CSGALNACT1: variants seen among roughly 807,000 people sequenced by gnomAD.
The protein encoded by CSGALNACT1 is chondroitin sulfate N-acetylgalactosaminyltransferase 1.
In CSGALNACT1, 52 loss-of-function variants were observed where a neutral mutation model predicts 51.0. That is an observed-to-expected ratio of 1.02 (90% CI 0.82 to 1.29). CSGALNACT1 has a LOEUF of 1.29. Ranked by LOEUF, CSGALNACT1 falls within the 50% of genes most tolerant of loss-of-function variation. The probability of loss-of-function intolerance (pLI) is 0.00; values close to 1 mark genes in which losing one functional copy is unlikely to be tolerated. For missense variants in CSGALNACT1, 935 were observed against 679.2 expected, an observed-to-expected ratio of 1.38 and a Z score of -4.19; for synonymous variants, 341 against 254.4, an observed-to-expected ratio of 1.34 and a Z score of -3.24.
chr8:19,711,016 C>T (rs1235328221), intron 1 of CSGALNACT1, among the ~76,000 whole-genome samples: 1 of 152,130 alleles, frequency 6.6e-6, no homozygotes, highest in African/African-American at 2.4e-5. Context: ...TTCATTGCCC[C>T]ACCCACCCCC....
intron 1 of CSGALNACT1, among the ~76,000 whole-genome samples, chr8:19,623,819 A>G (rs1366682774): frequency 6.6e-6 from 1 of 152,242 alleles, no homozygotes; most frequent in Admixed American, 6.5e-5. Flanking sequence ...CTTTTCATCT[A>G]TTCACTGAAA....
intron 4 of CSGALNACT1, among the ~76,000 whole-genome samples, chr8:19,462,699 C>G (rs1407647537): frequency 6.6e-6 from 1 of 152,168 alleles, no homozygotes; most frequent in African/African-American, 2.4e-5. Flanking sequence ...TTCCACATAC[C>G]ATGCCTTGCA....
chr8:19,678,818 A>C (rs1017728857), intron 1 of CSGALNACT1: 1 of 152,208 alleles, frequency 6.6e-6, no homozygotes, highest in African/African-American at 2.4e-5. Flanking sequence ...ATCCAAAAGG[A>C]CAAGACCTGG....
chr8:19,477,983 G>C (rs2070202156), intron 4 of CSGALNACT1, among the ~76,000 whole-genome samples: 1 of 152,056 alleles, frequency 6.6e-6, no homozygotes, highest in Admixed American at 6.6e-5. Flanking sequence ...CAGTTTCCAG[G>C]GACCCCACCT....
At chr8:19,542,200 AACACACACACAC>A (rs55968136) in intron 3 of CSGALNACT1, among the ~76,000 whole-genome samples, 3,327 of 144,036 alleles carry the variant, frequency 0.023, 138 homozygotes, top group African/African-American at 0.081. Flanking sequence ...CAGCACAAGA[AACACACACACAC>A]ACACACACAC....
chr8:19,527,525 G>A (rs900980502), intron 3 of CSGALNACT1, among the ~76,000 whole-genome samples: 2 of 152,148 alleles, frequency 1.3e-5, no homozygotes, highest in Non-Finnish European at 2.9e-5. Flanking sequence ...ACGGAAAATC[G>A]CTTGAACCTG....
At chr8:19,622,645 T>C (rs2053962136) in intron 1 of CSGALNACT1, among the ~76,000 whole-genome samples, 1 of 152,160 alleles carries the variant, frequency 6.6e-6, no homozygotes, top group Admixed American at 6.5e-5. Flanking sequence ...CAGGAAGTGG[T>C]AAAAGTACTA....
chr8:19,535,346 C>T (rs879277511), intron 3 of CSGALNACT1, among the ~76,000 whole-genome samples: 1 of 152,130 alleles, frequency 6.6e-6, no homozygotes, highest in Non-Finnish European at 1.5e-5. Context: ...CTAAAACTAA[C>T]GGCTCAAGAT....
intron 1 of CSGALNACT1, among the ~76,000 whole-genome samples, chr8:19,706,512 C>T (rs543655282): frequency 6.6e-6 from 1 of 152,304 alleles, no homozygotes; most frequent in African/African-American, 2.4e-5. Flanking sequence ...AAAGGAGTGC[C>T]TTTTCCTAGC....
chr8:19,681,665 T>C (rs1285745458), intron 1 of CSGALNACT1, among the ~76,000 whole-genome samples: 3 of 152,206 alleles, frequency 2.0e-5, no homozygotes, highest in Non-Finnish European at 4.4e-5. Context: ...ACCTCGGCAC[T>C]TGCAGCACCT....
intron 1 of CSGALNACT1, among the ~76,000 whole-genome samples, chr8:19,691,512 A>C (rs1240171568): frequency 6.6e-6 from 1 of 152,210 alleles, no homozygotes; most frequent in African/African-American, 2.4e-5. Context: ...TAGACCAAAC[A>C]ACTAACTCCA....
chr8:19,644,141 T>C (rs565268018), intron 1 of CSGALNACT1, among the ~76,000 whole-genome samples: 3 of 152,276 alleles, frequency 2.0e-5, no homozygotes, highest in Admixed American at 2.0e-4. Context: ...TTGTGATATA[T>C]GTTAATGTGT....
At chr8:19,616,480 G>A (rs1219059262) in intron 1 of CSGALNACT1, among the ~76,000 whole-genome samples, 1 of 152,084 alleles carries the variant, frequency 6.6e-6, no homozygotes, top group African/African-American at 2.4e-5. Context: ...TTCATCCAAG[G>A]ACTGGCTAAT....
chr8:19,713,222 G>A (rs898280090), intron 1 of CSGALNACT1, among the ~76,000 whole-genome samples: 7 of 152,118 alleles, frequency 4.6e-5, no homozygotes, highest in South Asian at 2.1e-4. Flanking sequence ...ATGGTGAGCC[G>A]CGCTGGGCAG....
chr8:19,444,786 A>C (rs2061857506), intron 5 of CSGALNACT1, among the ~76,000 whole-genome samples: 1 of 152,332 alleles, frequency 6.6e-6, no homozygotes, highest in Middle Eastern at 3.4e-3. Context: ...AATTAAAACC[A>C]TCAGACATCT....
At chr8:19,584,254 C>T (rs1311677415) in intron 3 of CSGALNACT1, among the ~76,000 whole-genome samples, 3 of 152,170 alleles carry the variant, frequency 2.0e-5, no homozygotes, top group African/African-American at 7.2e-5. Context: ...ATCCCTAAGC[C>T]TGAAAGCTTA....
chr8:19,612,170 C>G (rs1468685325), intron 1 of CSGALNACT1, among the ~76,000 whole-genome samples: 3 of 151,998 alleles, frequency 2.0e-5, no homozygotes, highest in Non-Finnish European at 4.4e-5. Context: ...TGGCAAAATC[C>G]TGTCTCTACT....
chr8:19,710,330 G>A (rs1040610871), intron 1 of CSGALNACT1, among the ~76,000 whole-genome samples: 2 of 152,166 alleles, frequency 1.3e-5, no homozygotes, highest in Non-Finnish European at 2.9e-5. Flanking sequence ...CAAGATTGCT[G>A]CAGTCATCTA....
At chr8:19,737,961 T>C (rs1265963286) in intron 1 of CSGALNACT1, among the ~76,000 whole-genome samples, 1 of 152,202 alleles carries the variant, frequency 6.6e-6, no homozygotes, top group Non-Finnish European at 1.5e-5. Flanking sequence ...GTTCTGGAGA[T>C]GGGCAGTGGT....
Sources: allele counts gnomAD v4.1 joint callset (sites outside exome capture counted in the v4.1 genomes callset), GRCh38; gene constraint gnomAD v4.1.1; transcripts MANE v1.5; gene names NCBI Gene and HGNC (gene_info 2026-07-23, HGNC 2026-07-21).